The following RSF1 variants were observed in gnomAD, a reference collection of about 807,000 sequenced individuals.
The protein encoded by RSF1 is remodeling and spacing factor 1.
In RSF1, 13 loss-of-function variants were observed where a neutral mutation model predicts 145.2. The ratio of observed to expected loss-of-function variants is 0.09; its 90% confidence interval spans 0.06 to 0.14. The LOEUF is 0.14. RSF1 is among the 10% of genes least tolerant of loss of function. The pLI is 1.00. For missense variants in RSF1, 1,517 were observed against 1,718.2 expected, an observed-to-expected ratio of 0.88 and a Z score of 2.07; for synonymous variants, 577 against 592.6, an observed-to-expected ratio of 0.97 and a Z score of 0.38.
chr11:77,675,382 T>C (rs1959674708), intron 13 of RSF1, 126 bp from the exon 14 acceptor site: 2 of 667,458 alleles, frequency 3.0e-6, no homozygotes, highest in Non-Finnish European at 2.5e-6. Context: ...ATCTGGATAA[T>C]TGTATCAAAT....
At chr11:77,785,883 G>A (rs1449866570) in intron 1 of RSF1, among the ~76,000 whole-genome samples, 5 of 114,528 alleles carry the variant, frequency 4.4e-5, no homozygotes, top group African/African-American at 1.3e-4. Flanking sequence ...CCGAGATCGC[G>A]CCACTGCACT....
At chr11:77,804,692 G>A (rs539960893) in intron 1 of RSF1, among the ~76,000 whole-genome samples, 1 of 152,236 alleles carries the variant, frequency 6.6e-6, no homozygotes, top group Admixed American at 6.5e-5. Flanking sequence ...AATTAGCTGA[G>A]TATGGTGACA....
intron 4 of RSF1, among the ~76,000 whole-genome samples, chr11:77,728,511 A>AGGAAAGGAAAGG (rs376441183): frequency 2.0e-5 from 3 of 150,818 alleles, no homozygotes; most frequent in East Asian, 3.9e-4. Context: ...AGGAAAGGAA[A>AGGAAAGGAAAGG]GGAAAGGAAA....
intron 1 of RSF1, among the ~76,000 whole-genome samples, chr11:77,802,775 T>A (rs1052598123): frequency 6.6e-6 from 1 of 152,126 alleles, no homozygotes; most frequent in Admixed American, 6.5e-5. Context: ...GGTCTCGAAC[T>A]CCTGACCTCA....
intron 1 of RSF1, among the ~76,000 whole-genome samples, chr11:77,796,402 A>G (rs2135972228): frequency 6.6e-6 from 1 of 152,362 alleles, no homozygotes; most frequent in South Asian, 2.1e-4. Context: ...AGAACCAATG[A>G]CAAAAATTAC....
chr11:77,774,448 T>C (rs1374822406), intron 1 of RSF1, among the ~76,000 whole-genome samples: 1 of 151,900 alleles, frequency 6.6e-6, no homozygotes, highest in Non-Finnish European at 1.5e-5. Context: ...GGTGTGCACC[T>C]GTAGTCCCAG....
the RSF1 span, among the ~76,000 whole-genome samples, chr11:77,839,285 C>T: frequency 2.0e-5 from 3 of 152,142 alleles, no homozygotes; most frequent in Admixed American, 6.6e-5. Context: ...ACTATAGGTG[C>T]AAAGCCAACA....
intron 4 of RSF1, among the ~76,000 whole-genome samples, chr11:77,740,147 G>T (rs777364515): frequency 6.6e-6 from 1 of 152,036 alleles, no homozygotes; most frequent in Non-Finnish European, 1.5e-5. Flanking sequence ...AGGCCGAGGC[G>T]GGTAGATCAC....
chr11:77,820,859 G>T, upstream of RSF1: 1 of 820,460 alleles, frequency 1.2e-6, no homozygotes, highest in Non-Finnish European at 1.9e-6. Context: ...ACGGCTCCGC[G>T]ATCCCACAAT....
At chr11:77,860,540 G>C in the RSF1 span, among the ~76,000 whole-genome samples, 1 of 152,234 alleles carries the variant, frequency 6.6e-6, no homozygotes, top group Non-Finnish European at 1.5e-5. Context: ...TGGGTGGCTT[G>C]ATGGCACAAG....
intron 1 of RSF1, among the ~76,000 whole-genome samples, chr11:77,776,742 G>C (rs1470185173): frequency 6.6e-6 from 1 of 152,122 alleles, no homozygotes; most frequent in Non-Finnish European, 1.5e-5. Context: ...TAGAGTATCT[G>C]AATAAAATGT....
At chr11:77,853,922 C>T in the RSF1 span, among the ~76,000 whole-genome samples, 1 of 151,662 alleles carries the variant, frequency 6.6e-6, no homozygotes, top group African/African-American at 2.4e-5. Context: ...GCCTGAGTGA[C>T]AGAGTGAGAC....
At chr11:77,872,156 C>T in the RSF1 span, 1 of 1,607,760 alleles carries the variant, frequency 6.2e-7, no homozygotes, top group Non-Finnish European at 8.5e-7. Context: ...ACTTACTCAT[C>T]TCTTTTCCAC....
At chr11:77,693,647 C>T in intron 7 of RSF1, 36 bp from the exon 8 acceptor site, 1 of 1,463,012 alleles carries the variant, frequency 6.8e-7, no homozygotes, top group Non-Finnish European at 9.6e-7. Context: ...CTAACTATGA[C>T]TAAAATTCAA....
chr11:77,853,550 G>A, the RSF1 span, among the ~76,000 whole-genome samples: 1 of 152,076 alleles, frequency 6.6e-6, no homozygotes, highest in Non-Finnish European at 1.5e-5. Context: ...TCCAACACTG[G>A]GGATTATAAT....
chr11:77,820,588 G>A lies in RSF1; in HGVS notation c.127C>T (p.Pro43Ser), dbSNP rs1374618000. 2 of 1,563,978 alleles carry A rather than the reference G, an allele frequency of 1.3e-6. No homozygotes were observed. The highest frequency in any genetic ancestry group is 2.4e-5 in the East Asian group (1 of 42,498). ...AGCACCCGCTCCAGCTCAGGGAACG[G>A]CAACTCAGGCAGGTCTAGCAGCGGC... ...YGPLLDLPEL[P>S]FPELERVLQA... is the part of the protein sequence containing the mutation. Residue 43 changes from proline (P) to serine (S), a missense_variant, in exon 1 of 16, where the codon CCG (proline) becomes TCG (serine). By Grantham distance (74) the Pro-to-Ser change is moderately conservative (BLOSUM62 -1). Around this residue, in one of 12 missense-constraint regions of RSF1, gnomAD observed 85 missense variants for 91.8 expected, o/e 0.93. Transcript: ENST00000308488.
intron 6 of RSF1, among the ~76,000 whole-genome samples, chr11:77,700,487 T>C (rs1266299084): frequency 6.6e-6 from 1 of 152,114 alleles, no homozygotes; most frequent in Non-Finnish European, 1.5e-5. Flanking sequence ...TGGATATTAT[T>C]TGAATAGTTT....
At chr11:77,714,197 G>T (rs188988734) in intron 5 of RSF1, among the ~76,000 whole-genome samples, 1 of 152,238 alleles carries the variant, frequency 6.6e-6, no homozygotes, top group South Asian at 2.1e-4. Context: ...TCACATCAGC[G>T]TGGAGCTTAA....
chr11:77,703,274 T>C (rs538442114), intron 5 of RSF1: 1 of 152,324 alleles, frequency 6.6e-6, no homozygotes, highest in Admixed American at 6.5e-5. Flanking sequence ...TTATTGGCTA[T>C]ATATTTTCAA....
Sources: allele counts gnomAD v4.1 joint callset (sites outside exome capture counted in the v4.1 genomes callset), GRCh38; gene constraint gnomAD v4.1.1; regional missense constraint gnomAD v4.1.1; transcripts MANE v1.5; gene names NCBI Gene and HGNC (gene_info 2026-07-23, HGNC 2026-07-21).